The following DPYD variants were observed in gnomAD, a reference collection of about 807,000 sequenced individuals.
DPYD encodes dihydropyrimidine dehydrogenase.
A neutral mutation model predicts 116.2 loss-of-function variants in DPYD; 109 were observed. That is an observed-to-expected ratio of 0.94 (90% CI 0.80 to 1.10). DPYD has a LOEUF of 1.10. Ranked by LOEUF, DPYD falls within the 50% of genes least tolerant of loss-of-function variation. The probability of loss-of-function intolerance (pLI) is 0.00; values close to 1 mark genes in which losing one functional copy is unlikely to be tolerated. For synonymous variants in DPYD, 440 were observed against 432.0 expected, an observed-to-expected ratio of 1.02 and a Z score of -0.23; for missense variants, 1,302 against 1,254.5, an observed-to-expected ratio of 1.04 and a Z score of -0.57.
At chr1:97,279,958 G>A (rs1665198621) in intron 18 of DPYD, 1 of 152,116 alleles carries the variant, frequency 6.6e-6, no homozygotes, top group African/African-American at 2.4e-5. Flanking sequence ...TTTACAGAAA[G>A]GCACATTGCT....
intron 4 of DPYD, among the ~76,000 whole-genome samples, chr1:97,722,199 C>T (rs4304627): frequency 0.85 from 128,238 of 151,324 alleles, 54,621 homozygotes; most frequent in East Asian, 0.99. Flanking sequence ...ATGTTTTCCT[C>T]TAATCAAAAG....
At chr1:97,087,305 T>C (rs1201844498) in intron 21 of DPYD, among the ~76,000 whole-genome samples, 1 of 152,202 alleles carries the variant, frequency 6.6e-6, no homozygotes, top group Non-Finnish European at 1.5e-5. Flanking sequence ...GGATATTCTA[T>C]ATATGCCCTC....
intron 8 of DPYD, among the ~76,000 whole-genome samples, chr1:97,609,268 C>G (rs552405475): frequency 1.4e-4 from 22 of 152,034 alleles, no homozygotes; most frequent in African/African-American, 5.1e-4. Context: ...TAAAGGGCCA[C>G]TACCGGCAAT....
chr1:97,516,957 C>T (rs1247716013), intron 12 of DPYD, among the ~76,000 whole-genome samples: 1 of 152,076 alleles, frequency 6.6e-6, no homozygotes, highest in East Asian at 1.9e-4. Flanking sequence ...GAAATCCATT[C>T]TCTTGTGAAT....
intron 1 of DPYD, among the ~76,000 whole-genome samples, chr1:97,897,268 A>C (rs1055825849): frequency 6.6e-6 from 1 of 151,812 alleles, no homozygotes; most frequent in African/African-American, 2.4e-5. Flanking sequence ...CTATTGCTTT[A>C]TCTTTGTTCT....
intron 8 of DPYD, among the ~76,000 whole-genome samples, chr1:97,639,525 A>G (rs990035969): frequency 2.0e-5 from 3 of 152,130 alleles, no homozygotes; most frequent in African/African-American, 7.2e-5. Flanking sequence ...AGCACTATGC[A>G]TTTTTAAAAG....
intron 3 of DPYD, among the ~76,000 whole-genome samples, chr1:97,813,919 C>G (rs930445831): frequency 1.6e-4 from 2 of 12,608 alleles, no homozygotes; most frequent in African/African-American, 4.6e-4. Context: ...CACACAGACA[C>G]ACACACACAC....
chr1:97,506,116 G>A (rs1365909179), intron 13 of DPYD, among the ~76,000 whole-genome samples: 1 of 151,958 alleles, frequency 6.6e-6, no homozygotes, highest in Non-Finnish European at 1.5e-5. Context: ...GGAAAAAGGA[G>A]CATACAGCGA....
At chr1:97,229,203 C>CAAA (rs34445661) in intron 19 of DPYD, among the ~76,000 whole-genome samples, 10 of 58,560 alleles carry the variant, frequency 1.7e-4, no homozygotes, top group Non-Finnish European at 2.9e-4. Context: ...GACTCCTTCT[C>CAAA]AAAAAAAAAA....
At chr1:97,799,462 GAAAA>G (rs138618486) in intron 3 of DPYD, among the ~76,000 whole-genome samples, 7 of 150,096 alleles carry the variant, frequency 4.7e-5, no homozygotes, top group Non-Finnish European at 1.0e-4. Flanking sequence ...CTTTCATCCT[GAAAA>G]AAAAATCACC....
In DPYD at chr1:97,421,515, G is replaced by A. The variant is rs369906863; in HGVS notation, c.1905+28544C>T. ...TTGGGTGTTTGAGAAACGTAAGGAT[G>A]GGTTTTTGGTCAGTTTTTATTTATT... On this transcript the variant is annotated intron_variant, in intron 14 of 22. Coordinates refer to ENST00000370192, the MANE Select transcript of DPYD (RefSeq NM_000110.4). Among the ~76,000 whole-genome samples the A allele has an allele frequency of 1.4e-3, 210 of 151,494 alleles. 8 individuals carry two copies. The South Asian group carries it at 0.039, about 28-fold the overall frequency.
At chr1:97,291,108 A>G (rs1289242275) in intron 18 of DPYD, among the ~76,000 whole-genome samples, 3 of 152,258 alleles carry the variant, frequency 2.0e-5, no homozygotes, top group African/African-American at 4.8e-5. Flanking sequence ...ACTGGCCATC[A>G]GAGAAATGCA....
chr1:97,092,601 C>A (rs1360326416), intron 21 of DPYD, among the ~76,000 whole-genome samples: 1 of 152,082 alleles, frequency 6.6e-6, no homozygotes, highest in African/African-American at 2.4e-5. Context: ...AATACATGTG[C>A]AGCTTCTATC....
chr1:97,350,826 G>A (rs1015507666), intron 16 of DPYD, among the ~76,000 whole-genome samples: 6 of 152,124 alleles, frequency 3.9e-5, no homozygotes, highest in African/African-American at 1.2e-4. Flanking sequence ...AACAGCAACC[G>A]ATACTGTGTG....
intron 3 of DPYD, among the ~76,000 whole-genome samples, chr1:97,743,954 G>A (rs1001039427): frequency 6.6e-6 from 1 of 151,934 alleles, no homozygotes; most frequent in East Asian, 1.9e-4. Flanking sequence ...ACATAAAGAA[G>A]TATATTTGAT....
At chr1:97,557,442 A>G (rs1396106619) in intron 11 of DPYD, among the ~76,000 whole-genome samples, 1 of 150,934 alleles carries the variant, frequency 6.6e-6, no homozygotes, top group East Asian at 2.0e-4. Context: ...CAGCCTCCCA[A>G]GTAGCTGGGA....
intron 3 of DPYD, among the ~76,000 whole-genome samples, chr1:97,794,052 C>T (rs1432503260): frequency 6.6e-6 from 1 of 152,138 alleles, no homozygotes; most frequent in Non-Finnish European, 1.5e-5. Flanking sequence ...ATCTTCCTTC[C>T]TCAGCCTCCC....
At chr1:97,215,386 C>T (rs1047825306) in intron 19 of DPYD, among the ~76,000 whole-genome samples, 1 of 152,170 alleles carries the variant, frequency 6.6e-6, no homozygotes, top group African/African-American at 2.4e-5. Flanking sequence ...ACTGATATCA[C>T]TACCTGTCCA....
intron 3 of DPYD, among the ~76,000 whole-genome samples, chr1:97,827,745 T>G (rs1007404012): frequency 2.0e-5 from 3 of 152,104 alleles, no homozygotes; most frequent in Admixed American, 2.0e-4. Flanking sequence ...AAATTAAATA[T>G]TAATTAGGAG....
Sources: gnomAD v4.1 joint callset for allele counts (sites outside exome capture counted in the v4.1 genomes callset) on GRCh38, gnomAD v4.1.1 for gene constraint, MANE v1.5 for transcripts, NCBI Gene and HGNC (gene_info 2026-07-23, HGNC 2026-07-21) for gene names.